ATP8A2: variants seen among roughly 807,000 people sequenced by gnomAD.
ATP8A2 encodes phospholipid-transporting ATPase IB.
In ATP8A2, 100 loss-of-function variants were observed where a neutral mutation model predicts 165.6. The observed-to-expected ratio is 0.60, with a 90% CI of 0.51 to 0.71. The LOEUF is 0.71. Among genes scored for constraint, ATP8A2 ranks in the 30% least tolerant of loss-of-function variants. The pLI is 0.00. For synonymous variants in ATP8A2, 543 were observed against 548.8 expected, an observed-to-expected ratio of 0.99 and a Z score of 0.15; for missense variants, 1,227 against 1,479.5, an observed-to-expected ratio of 0.83 and a Z score of 2.80.
chr13:25,643,727 C>T (rs1429957274), intron 24 of ATP8A2, among the ~76,000 whole-genome samples: 2 of 148,118 alleles, frequency 1.4e-5, no homozygotes, highest in African/African-American at 5.0e-5. Flanking sequence ...TTCGTGATTG[C>T]TTTGGTTTTG....
intron 25 of ATP8A2, among the ~76,000 whole-genome samples, chr13:25,756,244 T>C (rs1439854819): frequency 6.6e-6 from 1 of 152,148 alleles, no homozygotes; most frequent in Non-Finnish European, 1.5e-5. Flanking sequence ...TTCATGGTTA[T>C]CTTGTGAAGC....
chr13:25,598,525 C>G (rs934666629), intron 24 of ATP8A2, among the ~76,000 whole-genome samples: 1 of 152,178 alleles, frequency 6.6e-6, no homozygotes, highest in Non-Finnish European at 1.5e-5. Flanking sequence ...AAATTACTCT[C>G]AGCAGTATTT....
intron 17 of ATP8A2, 63 bp from the exon 18 acceptor site, chr13:25,571,547 C>A: frequency 8.0e-7 from 1 of 1,244,208 alleles, no homozygotes. Context: ...TGAAAAGTGA[C>A]ACTAAACAGA....
intron 35 of ATP8A2, among the ~76,000 whole-genome samples, chr13:25,985,593 C>T (rs1956266569): frequency 6.6e-6 from 1 of 152,222 alleles, no homozygotes; most frequent in African/African-American, 2.4e-5. Context: ...CAGAGACCCA[C>T]CAGTCTCTTT....
intron 33 of ATP8A2, among the ~76,000 whole-genome samples, chr13:25,945,019 GA>G (rs1324621986): frequency 6.6e-6 from 1 of 152,132 alleles, no homozygotes; most frequent in African/African-American, 2.4e-5. Flanking sequence ...GAAGAGAGGG[GA>G]GCCTGAAACC....
intron 26 of ATP8A2, 35 bp from the exon 27 acceptor site, chr13:25,774,814 G>T (rs1409056327): frequency 8.2e-7 from 1 of 1,222,840 alleles, no homozygotes. Context: ...CCTCAATGAT[G>T]GGCTCTTCTG....
chr13:25,576,889 G>A (rs1227477178), intron 19 of ATP8A2, among the ~76,000 whole-genome samples, 180 bp from the exon 20 acceptor site: 1 of 152,144 alleles, frequency 6.6e-6, no homozygotes, highest in Non-Finnish European at 1.5e-5. Context: ...TTCATTAGAT[G>A]TAAATAAAAA....
At chr13:25,876,782 T>A (rs917732637) in intron 33 of ATP8A2, among the ~76,000 whole-genome samples, 1 of 152,184 alleles carries the variant, frequency 6.6e-6, no homozygotes, top group Non-Finnish European at 1.5e-5. Context: ...GGAATAAGCC[T>A]TTGTCTGGAA....
chr13:25,622,054 A>C (rs141397752), intron 24 of ATP8A2, among the ~76,000 whole-genome samples: 1 of 151,824 alleles, frequency 6.6e-6, no homozygotes, highest in South Asian at 2.1e-4. Context: ...AAAACATAAA[A>C]CACTACCTGG....
At chr13:25,945,785 G>A (rs1381464040) in intron 33 of ATP8A2, among the ~76,000 whole-genome samples, 1 of 152,158 alleles carries the variant, frequency 6.6e-6, no homozygotes, top group African/African-American at 2.4e-5. Flanking sequence ...GGGATGGATC[G>A]CGGCCAGCTG....
At chr13:25,777,429 G>C (rs940832476) in intron 27 of ATP8A2, among the ~76,000 whole-genome samples, 2 of 152,166 alleles carry the variant, frequency 1.3e-5, no homozygotes, top group Non-Finnish European at 2.9e-5. Flanking sequence ...ATTATTGTAA[G>C]TTGATTTGCT....
intron 24 of ATP8A2, among the ~76,000 whole-genome samples, chr13:25,685,595 C>T (rs2042584153): frequency 6.6e-6 from 1 of 152,106 alleles, no homozygotes; most frequent in African/African-American, 2.4e-5. Flanking sequence ...TTCAGGAGGG[C>T]CTCCCTAAGA....
intron 2 of ATP8A2, among the ~76,000 whole-genome samples, chr13:25,503,323 A>G (rs2036916397): frequency 6.6e-6 from 1 of 152,130 alleles, no homozygotes; most frequent in African/African-American, 2.4e-5. Context: ...AGCCTATTAG[A>G]GAGCCGAATG....
intron 31 of ATP8A2, 87 bp from the exon 32 acceptor site, chr13:25,860,717 C>G: frequency 9.5e-7 from 1 of 1,049,340 alleles, no homozygotes; most frequent in South Asian, 1.4e-5. Flanking sequence ...GAAGCTAGTT[C>G]TGGAGTGGAG....
At chr13:25,422,701 A>G (rs1170924350) in intron 1 of ATP8A2, among the ~76,000 whole-genome samples, 1 of 152,214 alleles carries the variant, frequency 6.6e-6, no homozygotes, top group African/African-American at 2.4e-5. Context: ...TGTACATGCC[A>G]TAGTGAAAAC....
intron 33 of ATP8A2, among the ~76,000 whole-genome samples, chr13:25,891,317 C>CCTTTG (rs1555285907): frequency 6.6e-6 from 1 of 151,764 alleles, no homozygotes; most frequent in African/African-American, 2.4e-5. Context: ...AGACCTGAGC[C>CCTTTG]TTTTGTTTTG....
chr13:25,908,007 T>C (rs1453222818), intron 33 of ATP8A2, among the ~76,000 whole-genome samples: 1 of 152,214 alleles, frequency 6.6e-6, no homozygotes, highest in Non-Finnish European at 1.5e-5. Flanking sequence ...CTTTGACTTA[T>C]TTTAGATATT....
intron 33 of ATP8A2, among the ~76,000 whole-genome samples, chr13:25,881,761 G>A (rs1359480306): frequency 6.6e-6 from 1 of 152,192 alleles, no homozygotes; most frequent in Non-Finnish European, 1.5e-5. Context: ...TACTCAAAGT[G>A]TGGTCCCCAA....
At chr13:25,990,279 A>C (rs1005033606) in intron 35 of ATP8A2, among the ~76,000 whole-genome samples, 9 of 152,032 alleles carry the variant, frequency 5.9e-5, no homozygotes, top group African/African-American at 2.2e-4. Flanking sequence ...AAAAAAAAAA[A>C]AAAGCAAAAT....
Sources: gnomAD v4.1 joint callset for allele counts (sites outside exome capture counted in the v4.1 genomes callset) on GRCh38, gnomAD v4.1.1 for gene constraint, MANE v1.5 for transcripts, NCBI Gene and HGNC (gene_info 2026-07-23, HGNC 2026-07-21) for gene names.